Variants in SLC2A13 observed in about 807,000 individuals in gnomAD.
The protein encoded by SLC2A13 is proton myo-inositol cotransporter.
A neutral mutation model predicts 64.4 loss-of-function variants in SLC2A13; 32 were observed. The ratio of observed to expected loss-of-function variants is 0.50; its 90% CI spans 0.37 to 0.67. SLC2A13 has a LOEUF of 0.67. SLC2A13 is among the 30% of genes least tolerant of loss of function. The pLI is 0.00. For missense variants in SLC2A13, 743 were observed against 829.2 expected, an observed-to-expected ratio of 0.90 and a Z score of 1.28; for synonymous variants, 338 against 327.1, an observed-to-expected ratio of 1.03 and a Z score of -0.36.
intron 3 of SLC2A13, among the ~76,000 whole-genome samples, chr12:40,019,448 TG>T (rs1344909294): frequency 3.0e-4 from 45 of 152,284 alleles, no homozygotes; most frequent in African/African-American, 1.0e-3. Context: ...AGGGAGAAGC[TG>T]GAGTGGTAGC....
At chr12:39,896,832 A>G (rs889066839) in intron 4 of SLC2A13, among the ~76,000 whole-genome samples, 2 of 152,168 alleles carry the variant, frequency 1.3e-5, no homozygotes, top group African/African-American at 4.8e-5. Context: ...CAATAGTGTG[A>G]CAAAATATGT....
intron 1 of SLC2A13, among the ~76,000 whole-genome samples, chr12:40,088,934 A>G (rs895060462): frequency 6.6e-6 from 1 of 152,240 alleles, no homozygotes; most frequent in Non-Finnish European, 1.5e-5. Context: ...AGAGTCTATT[A>G]GTCTGTGAAT....
At chr12:39,811,624 T>C (rs537951542) in intron 7 of SLC2A13, among the ~76,000 whole-genome samples, 1 of 151,996 alleles carries the variant, frequency 6.6e-6, no homozygotes, top group Admixed American at 6.6e-5. Context: ...TTTGTGAAAA[T>C]TTTTTTTACT....
intron 4 of SLC2A13, chr12:39,950,343 AG>A (rs1376815052): frequency 6.6e-6 from 1 of 152,154 alleles, no homozygotes; most frequent in Non-Finnish European, 1.5e-5. Flanking sequence ...TTCAATCAAT[AG>A]GCAGGGAGTG....
intron 3 of SLC2A13, among the ~76,000 whole-genome samples, chr12:40,024,208 C>A (rs1225631120): frequency 6.6e-6 from 1 of 152,150 alleles, no homozygotes; most frequent in Non-Finnish European, 1.5e-5. Context: ...TGATGGAAAT[C>A]ATATTAATGT....
chr12:39,870,885 A>G (rs7961625), intron 5 of SLC2A13, among the ~76,000 whole-genome samples: 2 of 151,988 alleles, frequency 1.3e-5, no homozygotes, highest in African/African-American at 2.4e-5. Flanking sequence ...GTATTTTCTC[A>G]TCAAATATGG....
intron 1 of SLC2A13, among the ~76,000 whole-genome samples, chr12:40,053,008 G>T (rs796680052): frequency 2.6e-5 from 4 of 151,970 alleles, no homozygotes; most frequent in Non-Finnish European, 4.4e-5. Context: ...CAGGCTGGGC[G>T]CAGTTTGTTC....
Position 40,105,410 on chromosome 12 carries a change from G to C in SLC2A13, c.399C>G (p.Val133=). 2 of 1,550,620 alleles carry C rather than the reference G, an allele frequency of 1.3e-6. No homozygotes were observed. The highest frequency in any genetic ancestry group is 8.7e-7 in the Non-Finnish European group (1 of 1,148,302). Residue 133 remains valine, a synonymous_variant, in exon 1 of 10, where the codon GTC becomes GTG. Transcript: ENST00000280871. The surrounding 1 kb of genome is among the most constrained non-coding windows in gnomAD (Gnocchi z 4.2). ...TGAGGGCGCCTCCGGCCAGCGCCGA[G>C]ACGGCAGCCGCCCCCACCGTGCTGG... ...LVSSTVGAAA[V]SALAGGALNG...
At chr12:39,829,937 A>C in intron 7 of SLC2A13, 166 bp downstream of exon 7, 1 of 851,454 alleles carries the variant, frequency 1.2e-6, no homozygotes, top group Non-Finnish European at 1.8e-6. Flanking sequence ...TGAAACACAC[A>C]ATTGCAATGC....
intron 4 of SLC2A13, among the ~76,000 whole-genome samples, chr12:39,890,687 C>A (rs2135979106): frequency 6.6e-6 from 1 of 152,020 alleles, no homozygotes; most frequent in East Asian, 1.9e-4. Context: ...ACGTTGTACT[C>A]CATAAATATG....
At chr12:39,881,492 G>A (rs193102886) in intron 4 of SLC2A13, among the ~76,000 whole-genome samples, 4 of 152,012 alleles carry the variant, frequency 2.6e-5, no homozygotes, top group Admixed American at 2.6e-4. Context: ...TTTTCACCTC[G>A]CCTCATCATG....
At chr12:39,869,211 G>T (rs1446892504) in intron 5 of SLC2A13, among the ~76,000 whole-genome samples, 1 of 152,192 alleles carries the variant, frequency 6.6e-6, no homozygotes, top group Non-Finnish European at 1.5e-5. Context: ...AAAATCAATT[G>T]TGAGTGAGGG....
At chr12:40,081,026 C>T (rs1315484358) in intron 1 of SLC2A13, among the ~76,000 whole-genome samples, 4 of 152,012 alleles carry the variant, frequency 2.6e-5, no homozygotes, top group Non-Finnish European at 5.9e-5. Flanking sequence ...TGAATATAAG[C>T]CCCCCAATCT....
At chr12:39,984,900 C>T (rs906158928) in intron 3 of SLC2A13, among the ~76,000 whole-genome samples, 2 of 151,936 alleles carry the variant, frequency 1.3e-5, no homozygotes, top group African/African-American at 2.4e-5. Flanking sequence ...TTTACAAAGA[C>T]GAAGAAGCAA....
chr12:40,101,802 A>G (rs2136309306), intron 1 of SLC2A13, among the ~76,000 whole-genome samples: 1 of 151,770 alleles, frequency 6.6e-6, no homozygotes, highest in South Asian at 2.1e-4. Context: ...GTAGGGTAAC[A>G]GAGCAAAAGA....
chr12:39,796,422 T>TAAAAAAAA (rs10545679), intron 7 of SLC2A13, among the ~76,000 whole-genome samples: 1 of 117,624 alleles, frequency 8.5e-6, no homozygotes. Context: ...GGACCCATCT[T>TAAAAAAAA]AAAAAAAAAA....
At chr12:39,989,043 T>A (rs1476951560) in intron 3 of SLC2A13, among the ~76,000 whole-genome samples, 1 of 152,216 alleles carries the variant, frequency 6.6e-6, no homozygotes, top group Non-Finnish European at 1.5e-5. Flanking sequence ...AGGAGCCAGA[T>A]GAGCCTTTGT....
At chr12:40,051,462 G>A (rs1215805764) in intron 1 of SLC2A13, among the ~76,000 whole-genome samples, 1 of 152,150 alleles carries the variant, frequency 6.6e-6, no homozygotes, top group African/African-American at 2.4e-5. Context: ...TGGAGATAGT[G>A]CTGTAGGAGA....
At chr12:39,904,709 C>T (rs1333796876) in intron 4 of SLC2A13, among the ~76,000 whole-genome samples, 1 of 152,120 alleles carries the variant, frequency 6.6e-6, no homozygotes, top group Non-Finnish European at 1.5e-5. Flanking sequence ...TGCTTTGCTG[C>T]AACCAAGTAA....
Sources: gnomAD v4.1 joint callset for allele counts (sites outside exome capture counted in the v4.1 genomes callset) on GRCh38, gnomAD v4.1.1 for gene constraint, Gnocchi (gnomAD v3.1) non-coding constraint, MANE v1.5 for transcripts, NCBI Gene and HGNC (gene_info 2026-07-23, HGNC 2026-07-21) for gene names.